The following NDRG2 variants were observed in gnomAD, a reference collection of about 807,000 sequenced individuals.
NDRG2 encodes the protein protein NDRG2.
A neutral mutation model predicts 58.2 loss-of-function variants in NDRG2; 34 were observed. The observed-to-expected ratio is 0.58, with a 90% CI of 0.44 to 0.78. The LOEUF is 0.78. Ranked by LOEUF, NDRG2 falls within the 30% of genes least tolerant of loss-of-function variation. NDRG2 has a pLI of 0.00. For missense variants in NDRG2, 434 were observed against 471.2 expected (o/e 0.92, Z 0.73); for synonymous variants, 187 against 175.9 (o/e 1.06, Z -0.50).
At chr14:21,045,944 A>G (rs1885124209) in intron 1 of NDRG2, among the ~76,000 whole-genome samples, 1 of 152,200 alleles carries the variant, frequency 6.6e-6, no homozygotes. Context: ...TGAACTGTAT[A>G]CTTAAGATTT....
intron 1 of NDRG2, among the ~76,000 whole-genome samples, chr14:21,050,807 G>A (rs574552245): frequency 2.5e-4 from 38 of 152,202 alleles, no homozygotes; most frequent in Non-Finnish European, 5.0e-4. Flanking sequence ...AATAGTCACT[G>A]AAGTATTAAG....
intron 1 of NDRG2, among the ~76,000 whole-genome samples, chr14:21,062,607 AC>A (rs961742378): frequency 4.6e-5 from 7 of 151,920 alleles, no homozygotes; most frequent in African/African-American, 1.7e-4. Flanking sequence ...TCAGGTCTCC[AC>A]CCTTTATAGG....
At chr14:21,064,386 C>G (rs905715390) in intron 1 of NDRG2, among the ~76,000 whole-genome samples, 2 of 148,384 alleles carry the variant, frequency 1.3e-5, no homozygotes, top group African/African-American at 4.9e-5. Context: ...ACTGCAACCT[C>G]TGCCCCTTGG....
At chr14:21,045,840 G>C (rs1885116975) in intron 1 of NDRG2, among the ~76,000 whole-genome samples, 1 of 152,146 alleles carries the variant, frequency 6.6e-6, no homozygotes, top group African/African-American at 2.4e-5. Flanking sequence ...GTAGCCTTGG[G>C]GAAGTATAAC....
chr14:21,027,990 C>A (rs1594469431), upstream of NDRG2, among the ~76,000 whole-genome samples: 1 of 152,146 alleles, frequency 6.6e-6, no homozygotes, highest in South Asian at 2.1e-4. Context: ...TCCCCTAATA[C>A]CGTAAGGTTA....
chr14:21,049,557 A>G (rs1021341570), intron 1 of NDRG2, among the ~76,000 whole-genome samples: 2 of 151,712 alleles, frequency 1.3e-5, no homozygotes, highest in African/African-American at 4.8e-5. Context: ...ATAACATTAT[A>G]ATGCTGCAAG....
At chr14:21,042,844 G>A in intron 1 of NDRG2, 1 of 660,844 alleles carries the variant, frequency 1.5e-6, no homozygotes, top group Non-Finnish European at 2.6e-6. Context: ...AAGAGGCAGA[G>A]ATGAGACACA....
chr14:21,040,498 G>A (rs1884838278), intron 1 of NDRG2, among the ~76,000 whole-genome samples: 1 of 152,210 alleles, frequency 6.6e-6, no homozygotes, highest in Non-Finnish European at 1.5e-5. Context: ...CCACACAACA[G>A]CCAGGTAATC....
chr14:21,057,503 G>C (rs1375653805), intron 1 of NDRG2, among the ~76,000 whole-genome samples: 2 of 151,754 alleles, frequency 1.3e-5, no homozygotes, highest in South Asian at 2.1e-4. Flanking sequence ...ACCTGGGAGT[G>C]TGGGAAGAAT....
intron 1 of NDRG2, among the ~76,000 whole-genome samples, chr14:21,064,328 GTCTC>G (rs1361097533): frequency 6.6e-6 from 1 of 151,670 alleles, no homozygotes; most frequent in Non-Finnish European, 1.5e-5. Flanking sequence ...TTGAGACAGA[GTCTC>G]TCTCTGTTGC....
intron 1 of NDRG2, among the ~76,000 whole-genome samples, chr14:21,048,034 C>T (rs1885279838): frequency 6.6e-6 from 1 of 152,094 alleles, no homozygotes; most frequent in South Asian, 2.1e-4. Flanking sequence ...AACCCTTGAG[C>T]TATGGCACCA....
Position 21,070,769 on chromosome 14 carries a change from C to A in NDRG2, c.24+59G>T, listed in dbSNP as rs1886718753. 6.6e-7 allele frequency: 1 copy of A among 1,521,948 alleles called. No homozygotes were observed. The highest frequency in any genetic ancestry group is 1.7e-4 in the Middle Eastern group (1 of 5,946). The allele number at this position is 1,521,948 out of a possible 1,614,324, so 94.3% of individuals were successfully genotyped here. A position where few individuals can be genotyped will look rare whatever the true frequency, so the allele number is the denominator to read the frequency against. ...GCTCCTTACCCGCGGGAGACCCCTG[C>A]GGGTTGGTCCTGCAGCGACCCTGGA... On this transcript the variant is annotated intron_variant, in intron 1 of 14. Transcript: ENST00000403829. The surrounding 1 kb of genome is among the most constrained non-coding windows in gnomAD (Gnocchi z 4.7).
At chr14:21,065,026 C>G (rs1594526744) in intron 1 of NDRG2, among the ~76,000 whole-genome samples, 1 of 152,102 alleles carries the variant, frequency 6.6e-6, no homozygotes, top group African/African-American at 2.4e-5. Context: ...CAAAAATTAG[C>G]CAGGCCTGGT....
intron 1 of NDRG2, chr14:21,033,370 A>G: frequency 3.7e-6 from 1 of 268,220 alleles, no homozygotes; most frequent in Non-Finnish European, 7.3e-6. Flanking sequence ...TAGGTGGGTG[A>G]GTGGAGGGAA....
intron 1 of NDRG2, chr14:21,031,267 C>T (rs1355365048): frequency 1.4e-6 from 2 of 1,434,024 alleles, no homozygotes; most frequent in Non-Finnish European, 9.4e-7. Context: ...AGAGACAGGG[C>T]CGAAACAGAC....
At chr14:21,066,627 C>A (rs1886284051) in intron 1 of NDRG2, among the ~76,000 whole-genome samples, 1 of 152,192 alleles carries the variant, frequency 6.6e-6, no homozygotes, top group African/African-American at 2.4e-5. Context: ...AGCCACCGTG[C>A]CCAGCCTGAT....
chr14:21,031,704 C>G (rs774049458), intron 1 of NDRG2, among the ~76,000 whole-genome samples: 14 of 152,138 alleles, frequency 9.2e-5, no homozygotes, highest in Admixed American at 2.0e-4. Flanking sequence ...CCTCCTCCCC[C>G]ATGAGTGAAC....
At chr14:21,039,224 G>T (rs1170225755) in intron 1 of NDRG2, among the ~76,000 whole-genome samples, 1 of 152,158 alleles carries the variant, frequency 6.6e-6, no homozygotes, top group Non-Finnish European at 1.5e-5. Context: ...GTCCTGTGGG[G>T]AAGACAGGCA....
chr14:21,033,431 A>C (rs2986241), intron 1 of NDRG2: 1 of 292,404 alleles, frequency 3.4e-6, no homozygotes, highest in Non-Finnish European at 6.5e-6. Flanking sequence ...GGGGATGGGG[A>C]GGTGAGACTC....
Sources: allele counts gnomAD v4.1 joint callset (sites outside exome capture counted in the v4.1 genomes callset), GRCh38; gene constraint gnomAD v4.1.1; non-coding constraint Gnocchi (gnomAD v3.1); transcripts MANE v1.5; gene names NCBI Gene and HGNC (gene_info 2026-07-23, HGNC 2026-07-21).